The following HTR2C variants were observed in gnomAD, a reference collection of about 807,000 sequenced individuals.
The protein encoded by HTR2C is 5-hydroxytryptamine receptor 2C.
Under a neutral mutation model 21.0 loss-of-function variants are expected in HTR2C, and 5 were observed. That is an observed-to-expected ratio of 0.24 (90% CI 0.12 to 0.50). The LOEUF (loss-of-function observed/expected upper bound fraction) is 0.50. Ranked by LOEUF, HTR2C falls within the 20% of genes least tolerant of loss-of-function variation. The pLI is 0.98. For missense variants in HTR2C, 271 were observed against 371.2 expected, an observed-to-expected ratio of 0.73 and a Z score of 2.22; for synonymous variants, 150 against 145.3, an observed-to-expected ratio of 1.03 and a Z score of -0.23.
chrX:114,672,501 T>G (rs74635896), intron 2 of HTR2C, among the ~76,000 whole-genome samples: 1,305 of 112,398 alleles, frequency 0.012, 14 homozygotes, highest in African/African-American at 0.039. Context: ...AAATTATTTT[T>G]TAAAGGGGTA....
intron 5 of HTR2C, among the ~76,000 whole-genome samples, chrX:114,879,833 A>G (rs925324036): frequency 9.0e-6 from 1 of 110,656 alleles, no homozygotes; most frequent in Non-Finnish European, 1.9e-5. Context: ...TTTATCCACT[A>G]GTTGATTAAT....
At chrX:114,820,034 C>CA (rs1201408122) in intron 4 of HTR2C, among the ~76,000 whole-genome samples, 13 of 110,268 alleles carry the variant, frequency 1.2e-4, no homozygotes, top group Non-Finnish European at 2.5e-4. Flanking sequence ...GTCCAAACCA[C>CA]AAAATGGAGG....
At chrX:114,836,600 C>G (rs1427254913) in intron 4 of HTR2C, among the ~76,000 whole-genome samples, 1 of 112,070 alleles carries the variant, frequency 8.9e-6, no homozygotes, top group Admixed American at 9.4e-5. Context: ...CCTGCGCCCA[C>G]TGTCTGTTAC....
intron 5 of HTR2C, among the ~76,000 whole-genome samples, chrX:114,875,034 A>G (rs1314723437): frequency 9.0e-6 from 1 of 111,453 alleles, no homozygotes; most frequent in African/African-American, 3.3e-5. Flanking sequence ...TCATAGTTCT[A>G]TAAGCCAGGA....
At position 114,625,878 on chromosome X, in the gene HTR2C, GTAA is replaced by G. The variant is rs1325598319; in HGVS notation, c.-80+12000_-80+12002del. On this transcript the variant is annotated intron_variant, in intron 2 of 5. Coordinates refer to ENST00000276198, the MANE Select transcript of HTR2C (RefSeq NM_000868.4). ...CTGTGGCCTTACTGGGTTGTACTCA[GTAA>G]TAGGAGATCAGCTGGAATAGGTAAG... Among the ~76,000 whole-genome samples, 3 of 111,380 alleles carry G rather than the reference GTAA, an allele frequency of 2.7e-5. No individual in the cohort carries two copies. In the Admixed American group the frequency reaches 2.9e-4, roughly 11 times the overall value.
At position 114,807,313 on chromosome X, in the gene HTR2C, ATATCTATACCATATATATACACCATG is replaced by A. The variant is rs1569496245; in HGVS notation, c.350-40664_350-40639del. Among the ~76,000 whole-genome samples, 69 of 69,907 alleles carry A rather than the reference ATATCTATACCATATATATACACCATG, an allele frequency of 9.9e-4. 24 individuals carry two copies. Among genetic ancestry groups the A allele is most frequent in the South Asian group, 1.7e-3 (2 of 1,170 alleles). 60.7% of individuals were successfully genotyped at this position (69,907 alleles called of 115,157 possible). On this transcript the variant is annotated intron_variant, in intron 4 of 5. Coordinates refer to ENST00000276198, the MANE Select transcript of HTR2C (RefSeq NM_000868.4). Reference sequence around the variant, plus strand: ...TATATATACCATGTATATACACCATATATCTATACCATATATATACACCATGTATCTATACCATATATATACACCAT... The same window carrying A: ...TATATATACCATGTATATACACCATATATCTATACCATATATATACACCAT...
intron 4 of HTR2C, among the ~76,000 whole-genome samples, chrX:114,754,541 A>G (rs1418024231): frequency 2.7e-5 from 3 of 111,924 alleles, no homozygotes; most frequent in Admixed American, 9.5e-5. Flanking sequence ...AAAGTAATTC[A>G]ATAGAGGAAC....
chrX:114,783,682 CTA>C (rs1420468668), intron 4 of HTR2C, among the ~76,000 whole-genome samples: 1 of 111,335 alleles, frequency 9.0e-6, no homozygotes, highest in Non-Finnish European at 1.9e-5. Flanking sequence ...TGACTATTTA[CTA>C]GGCCACTGAG....
chrX:114,823,099 A>G (rs1209884789), intron 4 of HTR2C, among the ~76,000 whole-genome samples: 1 of 111,623 alleles, frequency 9.0e-6, no homozygotes, highest in African/African-American at 3.3e-5. Context: ...GTCTGTTTAT[A>G]TGATTTAGAA....
rs781799710 is a variant in HTR2C, at chrX:114,725,430, A to G, written c.-79-1428A>G. Among the ~76,000 whole-genome samples, 6 of 110,363 alleles carry G rather than the reference A, an allele frequency of 5.4e-5. No individual in the cohort carries two copies. In the East Asian group the frequency reaches 1.7e-3, roughly 32 times the overall value. ...TTATACATTCTTCTAAATTTTTTTC[A>G]AAGTTTTCATCTTCTTTGCCTTTGG... On this transcript the variant is annotated intron_variant, in intron 2 of 5. Transcript: ENST00000276198.
chrX:114,684,078 CAT>C (rs1196266017), intron 2 of HTR2C, among the ~76,000 whole-genome samples: 2 of 111,580 alleles, frequency 1.8e-5, no homozygotes, highest in African/African-American at 6.5e-5. Flanking sequence ...ATTTTAATAA[CAT>C]AAGCGAAGAG....
intron 4 of HTR2C, among the ~76,000 whole-genome samples, chrX:114,798,349 C>T (rs781954320): frequency 9.0e-6 from 1 of 110,807 alleles, no homozygotes; most frequent in African/African-American, 3.3e-5. Flanking sequence ...TCAAGAGAAC[C>T]CTAGGCACTT....
chrX:114,606,191 G>T (rs1199100322), intron 1 of HTR2C, among the ~76,000 whole-genome samples: 3 of 111,033 alleles, frequency 2.7e-5, no homozygotes, highest in Non-Finnish European at 3.8e-5. Context: ...AAGGGGTTGG[G>T]GTACTTAACC....
At chrX:114,884,552 A>T (rs1165656321) in intron 5 of HTR2C, among the ~76,000 whole-genome samples, 1 of 111,439 alleles carries the variant, frequency 9.0e-6, no homozygotes, top group Non-Finnish European at 1.9e-5. Flanking sequence ...TATAAAAAAA[A>T]TGCTCAACAT....
At chrX:114,883,190 G>A (rs1222596905) in intron 5 of HTR2C, among the ~76,000 whole-genome samples, 3 of 109,779 alleles carry the variant, frequency 2.7e-5, no homozygotes, top group Non-Finnish European at 3.8e-5. Flanking sequence ...ATTTCTGAAA[G>A]ATCAGCAATA....
At chrX:114,638,253 A>C (rs1569480273) in intron 2 of HTR2C, among the ~76,000 whole-genome samples, 1 of 111,647 alleles carries the variant, frequency 9.0e-6, no homozygotes, top group African/African-American at 3.3e-5. Flanking sequence ...ATAGCCCGAG[A>C]GTTCAATATA....
chrX:114,837,365 G>C (rs932690179), intron 4 of HTR2C, among the ~76,000 whole-genome samples: 1 of 111,812 alleles, frequency 8.9e-6, no homozygotes, highest in African/African-American at 3.2e-5. Context: ...TTTAGATGTA[G>C]ATTTATATTT....
intron 4 of HTR2C, among the ~76,000 whole-genome samples, chrX:114,824,108 A>T: frequency 8.9e-6 from 1 of 111,979 alleles, no homozygotes; most frequent in Admixed American, 9.5e-5. Flanking sequence ...AGTCTATTAC[A>T]CTTTGAGGCA....
intron 2 of HTR2C, among the ~76,000 whole-genome samples, chrX:114,649,250 T>C (rs1424265809): frequency 2.7e-5 from 3 of 112,622 alleles, no homozygotes; most frequent in Non-Finnish European, 5.6e-5. Context: ...CTCAATACTA[T>C]TTAAATGTTA....
Sources: allele counts gnomAD v4.1 joint callset (sites outside exome capture counted in the v4.1 genomes callset), GRCh38; gene constraint gnomAD v4.1.1; transcripts MANE v1.5; gene names NCBI Gene and HGNC (gene_info 2026-07-23, HGNC 2026-07-21).